The following CNGA4 variants were observed in gnomAD, a reference collection of about 807,000 sequenced individuals.
CNGA4 encodes cyclic nucleotide gated channel subunit alpha 4, also known as cyclic nucleotide-gated channel alpha-4.
CNGA4 carries 32 observed loss-of-function variants against 45.6 expected under a neutral mutation model. The ratio of observed to expected loss-of-function variants is 0.70; its 90% CI spans 0.53 to 0.94. The LOEUF (loss-of-function observed/expected upper bound fraction) is 0.94. Ranked by LOEUF, CNGA4 falls within the 40% of genes least tolerant of loss-of-function variation. CNGA4 has a pLI of 0.00. For missense variants in CNGA4, 726 were observed against 755.1 expected (o/e 0.96, Z 0.45); for synonymous variants, 293 against 304.6 (o/e 0.96, Z 0.40).
intron 5 of CNGA4, among the ~76,000 whole-genome samples, chr11:6,242,415 A>G (rs1277060599): frequency 6.6e-6 from 1 of 152,048 alleles, no homozygotes; most frequent in African/African-American, 2.4e-5. Flanking sequence ...AGCCCTGTGC[A>G]GTAGGAATTG....
At position 6,239,104 on chromosome 11, in the gene CNGA4, G is replaced by C; in HGVS notation, c.-103G>C. The C allele has an allele frequency of 6.3e-7, 1 of 1,594,940 alleles. No individual in the cohort carries two copies. The highest frequency in any genetic ancestry group is 8.5e-7 in the Non-Finnish European group (1 of 1,171,648). On this transcript the variant is annotated 5_prime_UTR_variant, in exon 1 of 6. Transcript: ENST00000379936. The stretch of plus-strand genomic sequence containing the variant: ...AAGAAGTCACAGCAGAAGCCCAACA[G>C]CAGCCTCCTTCAGGCAGTCAGGCAC...
At position 6,239,418 on chromosome 11, in the gene CNGA4, T is replaced by G; in HGVS notation, c.97T>G (p.Tyr33Asp). The change falls in exon 2 of 6, where the codon TAC (tyrosine) becomes GAC (aspartate). Residue 33 changes from tyrosine (Y) to aspartate (D), a missense_variant. Transcript: ENST00000379936. Reference sequence around the variant, plus strand: ...GCCTGTCCTGGACCCATCTGGGGATTACTACTACTGGTGGCTGAACACAAT... The same window carrying G: ...GCCTGTCCTGGACCCATCTGGGGATGACTACTACTGGTGGCTGAACACAAT... ...LLPVLDPSGD[Y>D]YYWWLNTMVF... The G allele has an allele frequency of 6.2e-7, 1 of 1,614,242 alleles. No homozygotes were observed. Among genetic ancestry groups the G allele is most frequent in the Non-Finnish European group, 8.5e-7 (1 of 1,180,036 alleles).
intron 5 of CNGA4, among the ~76,000 whole-genome samples, chr11:6,242,650 T>C (rs1272326612): frequency 1.3e-5 from 2 of 152,138 alleles, no homozygotes; most frequent in Non-Finnish European, 2.9e-5. Flanking sequence ...TTTGGACAAG[T>C]CATTTCCCTA....
rs1847893162 is a variant in CNGA4 at position 6,240,201 on chromosome 11, C to T, written c.407C>T (p.Thr136Ile). ...GTCTACGTGCGGCTGGGCCCGCACA[C>T]ACCCACCCTGAGGCTGAACCGCTTT... ...DVVYVRLGPHTPTLRLNRFLR... is the reference protein window; with the variant it reads ...DVVYVRLGPHIPTLRLNRFLR... The change falls in exon 4 of 6, where the codon ACA becomes ATA. Residue 136 changes from threonine (T) to isoleucine (I), a missense_variant. Coordinates refer to ENST00000379936, the MANE Select transcript of CNGA4 (RefSeq NM_001037329.4). The surrounding 1 kb of genome is among the most constrained non-coding windows in gnomAD (Gnocchi z 4.9). 2 of 1,614,234 alleles carry T rather than the reference C, an allele frequency of 1.2e-6. No individual in the cohort carries two copies. Among genetic ancestry groups the T allele is most frequent in the East Asian group, 4.5e-5 (2 of 44,886 alleles).
Position 6,239,388 on chromosome 11 carries a change from T to C in CNGA4, c.67T>C (p.Leu23=). The change falls in exon 2 of 6, where the codon TTG becomes CTG. Residue 23 remains leucine (L), a synonymous_variant. Transcript: ENST00000379936. ...GCAAGACTTTCTTTCTTACAGGAAG[T>C]TGCTGCCTGTCCTGGACCCATCTGG... is the stretch of plus-strand genomic sequence containing the variant. ...SPPAPSKARK[L]LPVLDPSGDY... The C allele has an allele frequency of 6.2e-7, 1 of 1,614,114 alleles. No individual in the cohort carries two copies. Among genetic ancestry groups the C allele is most frequent in the African/African-American group, 1.3e-5 (1 of 75,060 alleles).
In CNGA4 at chr11:6,239,496, G is replaced by A. The variant is rs368840910; in HGVS notation, c.164+11G>A. On this transcript the variant is annotated intron_variant, in intron 2 of 5. Coordinates refer to ENST00000379936, the MANE Select transcript of CNGA4 (RefSeq NM_001037329.4). ...CATCCTCGTGTGCAGGTATGGCAGC[G>A]GTGCTAAGGGAGGGGCTGGAAGCCA... 9.9e-6 allele frequency: 16 copies of A among 1,613,288 alleles called. No homozygotes were observed. Among genetic ancestry groups the A allele is most frequent in the East Asian group, 8.9e-5 (4 of 44,874 alleles).
upstream of CNGA4, among the ~76,000 whole-genome samples, chr11:6,235,767 C>T (rs1847825291): frequency 1.3e-5 from 2 of 152,138 alleles, no homozygotes; most frequent in South Asian, 2.1e-4. Flanking sequence ...AGTGAAACCC[C>T]GTCCCTACTA....
chr11:6,239,496 G>C lies in CNGA4; in HGVS notation c.164+11G>C. 1 of 1,613,406 alleles carries C rather than the reference G, an allele frequency of 6.2e-7. No homozygotes were observed. Among genetic ancestry groups the C allele is most frequent in the Non-Finnish European group, 8.5e-7 (1 of 1,179,368 alleles). ...CATCCTCGTGTGCAGGTATGGCAGCGGTGCTAAGGGAGGGGCTGGAAGCCA... is the reference window on the plus strand; with the variant it reads ...CATCCTCGTGTGCAGGTATGGCAGCCGTGCTAAGGGAGGGGCTGGAAGCCA... On this transcript the variant is annotated intron_variant, in intron 2 of 5. Coordinates refer to ENST00000379936, the MANE Select transcript of CNGA4 (RefSeq NM_001037329.4).
upstream of CNGA4, chr11:6,235,421 T>C (rs1186821446): frequency 1.0e-6 from 1 of 954,116 alleles, no homozygotes; most frequent in Non-Finnish European, 1.2e-6. Context: ...CTCCAGGACC[T>C]CAGAGAATTG....
rs772889780 is a variant in CNGA4, at chr11:6,243,981, A to C, written c.1300A>C (p.Ile434Leu). 1 of 1,613,878 alleles carries C rather than the reference A, an allele frequency of 6.2e-7. No homozygotes were observed. The highest frequency in any genetic ancestry group is 8.5e-7 in the Non-Finnish European group (1 of 1,180,008). ...NMSGNRRTAN[I>L]KSLGYSDLFC... ...GTCTGGGAACCGCCGCACAGCCAAC[A>C]TCAAGAGCCTAGGTTATTCAGACCT... Residue 434 changes from isoleucine (I) to leucine (L), a missense_variant, in exon 6 of 6, where the codon ATC becomes CTC. Physicochemically the swap from Ile to Leu is conservative, Grantham distance 5 (BLOSUM62 2). Coordinates refer to ENST00000379936, the MANE Select transcript of CNGA4 (RefSeq NM_001037329.4).
downstream of CNGA4, chr11:6,244,529 T>C (rs1847966162): frequency 2.2e-6 from 2 of 902,802 alleles, no homozygotes; most frequent in African/African-American, 3.4e-5. This position sits in a 1 kb window ranked among gnomAD's most constrained non-coding sequence, Gnocchi z 4.5. Flanking sequence ...AATTGGTCTG[T>C]AGATGCCCAG....
chr11:6,241,858 G>A (rs1158550920), intron 5 of CNGA4, 78 bp downstream of exon 5: 2 of 1,330,716 alleles, frequency 1.5e-6, no homozygotes, highest in South Asian at 2.5e-5. Flanking sequence ...GCTGGGACCA[G>A]ATAGTACTTC....
chr11:6,243,602 C>T (rs1847947716), intron 5 of CNGA4, among the ~76,000 whole-genome samples: 1 of 152,200 alleles, frequency 6.6e-6, no homozygotes, highest in African/African-American at 2.4e-5. Flanking sequence ...TAGGACATCC[C>T]TTCCTCCAGA....
upstream of CNGA4, chr11:6,238,983 C>G: frequency 7.3e-7 from 1 of 1,368,810 alleles, no homozygotes; most frequent in South Asian, 1.6e-5. Flanking sequence ...GGTGTAAGCC[C>G]AGGCCCTGGG....
At chr11:6,239,895 G>C in intron 3 of CNGA4, 105 bp downstream of exon 3, 1 of 1,353,262 alleles carries the variant, frequency 7.4e-7, no homozygotes, top group Admixed American at 2.0e-5. Flanking sequence ...GCACCTTCGC[G>C]TGCCTCTATG....
upstream of CNGA4, among the ~76,000 whole-genome samples, chr11:6,235,304 C>T (rs1460626806): frequency 6.6e-6 from 1 of 152,172 alleles, no homozygotes; most frequent in Non-Finnish European, 1.5e-5. Flanking sequence ...CCCCCAACAC[C>T]GCTGTGCTGT....
upstream of CNGA4, among the ~76,000 whole-genome samples, chr11:6,236,982 A>T (rs1285881490): frequency 1.3e-5 from 2 of 152,218 alleles, no homozygotes; most frequent in African/African-American, 4.8e-5. Flanking sequence ...CTTCAGTCAC[A>T]CATCTAATTC....
chr11:6,239,632 C>T, intron 2 of CNGA4, 52 bp from the exon 3 acceptor site: 5 of 1,587,702 alleles, frequency 3.1e-6, no homozygotes, highest in Non-Finnish European at 4.3e-6. Context: ...GGGGAGACGC[C>T]TCGCACACAG....
At chr11:6,238,953 T>C (rs567822799), upstream of CNGA4, 171 of 1,080,280 alleles carry the variant, frequency 1.6e-4, 5 homozygotes, top group South Asian at 2.2e-3. Context: ...GGGATCTCAT[T>C]AGAGGTGTTT....
Sources: gnomAD v4.1 joint callset for allele counts (sites outside exome capture counted in the v4.1 genomes callset) on GRCh38, gnomAD v4.1.1 for gene constraint, Gnocchi (gnomAD v3.1) non-coding constraint, MANE v1.5 for transcripts, NCBI Gene and HGNC (gene_info 2026-07-23, HGNC 2026-07-21) for gene names.